CNTNAP2: variants seen among roughly 807,000 people sequenced by gnomAD.
CNTNAP2 encodes contactin-associated protein-like 2.
A neutral mutation model predicts 155.2 loss-of-function variants in CNTNAP2; 98 were observed. The observed-to-expected ratio is 0.63, with a 90% CI of 0.54 to 0.75. The LOEUF (loss-of-function observed/expected upper bound fraction) is 0.75. CNTNAP2 is among the 30% of genes least tolerant of loss of function. CNTNAP2 has a pLI of 0.00. For missense variants in CNTNAP2, 1,727 were observed against 1,688.1 expected (o/e 1.02, Z -0.40); for synonymous variants, 651 against 631.2 (o/e 1.03, Z -0.47).
chr7:146,492,796 T>G (rs1797160063), intron 1 of CNTNAP2, among the ~76,000 whole-genome samples: 1 of 152,216 alleles, frequency 6.6e-6, no homozygotes, highest in Non-Finnish European at 1.5e-5. Context: ...AATTAAAATA[T>G]CCATCATCTT....
chr7:147,574,206 C>T (rs1021392905), intron 12 of CNTNAP2, among the ~76,000 whole-genome samples: 1 of 152,096 alleles, frequency 6.6e-6, no homozygotes, highest in East Asian at 1.9e-4. Context: ...GAATGCAATA[C>T]CTTTTTTGTA....
At chr7:147,671,337 G>C (rs1336294112) in intron 13 of CNTNAP2, among the ~76,000 whole-genome samples, 2 of 152,216 alleles carry the variant, frequency 1.3e-5, no homozygotes, top group Admixed American at 1.3e-4. Context: ...CAATAACAAA[G>C]TGTAGAGGAG....
intron 11 of CNTNAP2, among the ~76,000 whole-genome samples, chr7:147,538,086 A>G (rs1799579478): frequency 6.6e-6 from 1 of 152,212 alleles, no homozygotes; most frequent in Non-Finnish European, 1.5e-5. Flanking sequence ...GAACTCCATG[A>G]AGCTTTTTAA....
chr7:147,785,668 C>T (rs1584954139), intron 13 of CNTNAP2, among the ~76,000 whole-genome samples: 2 of 152,084 alleles, frequency 1.3e-5, no homozygotes, highest in African/African-American at 4.8e-5. Flanking sequence ...ATGGATTAAG[C>T]AGCTGAAGTT....
chr7:147,920,587 T>C (rs1800257578), intron 14 of CNTNAP2, among the ~76,000 whole-genome samples: 1 of 152,106 alleles, frequency 6.6e-6, no homozygotes, highest in Non-Finnish European at 1.5e-5. Flanking sequence ...GCAGGAATTT[T>C]TTAAAACTCA....
At chr7:146,436,912 G>A (rs1796251189) in intron 1 of CNTNAP2, among the ~76,000 whole-genome samples, 1 of 151,514 alleles carries the variant, frequency 6.6e-6, no homozygotes, top group African/African-American at 2.4e-5. Flanking sequence ...GTTAACATTT[G>A]TTGACATTGT....
At chr7:148,166,668 A>C (rs1562981159) in intron 17 of CNTNAP2, among the ~76,000 whole-genome samples, 1 of 152,210 alleles carries the variant, frequency 6.6e-6, no homozygotes, top group East Asian at 1.9e-4. Flanking sequence ...ACAAGAAAAA[A>C]TGATTTACAA....
intron 8 of CNTNAP2, among the ~76,000 whole-genome samples, chr7:147,177,684 T>A (rs142908723): frequency 1.3e-5 from 2 of 152,202 alleles, no homozygotes; most frequent in African/African-American, 4.8e-5. Flanking sequence ...AACCAAAATA[T>A]AGGGGAAACT....
At chr7:147,840,224 T>A (rs2116650263) in intron 13 of CNTNAP2, among the ~76,000 whole-genome samples, 1 of 152,292 alleles carries the variant, frequency 6.6e-6, no homozygotes, top group East Asian at 1.9e-4. Context: ...GTACACTATT[T>A]GGGTGATAGT....
chr7:146,697,191 A>G (rs1337527789), intron 1 of CNTNAP2, among the ~76,000 whole-genome samples: 1 of 152,270 alleles, frequency 6.6e-6, no homozygotes, highest in Middle Eastern at 3.4e-3. Flanking sequence ...AGACACAATA[A>G]GGATTATTCT....
intron 13 of CNTNAP2, among the ~76,000 whole-genome samples, chr7:147,851,168 A>G (rs1207084965): frequency 4.6e-5 from 7 of 152,306 alleles, no homozygotes; most frequent in South Asian, 2.1e-4. Flanking sequence ...GACACATGAA[A>G]AAATGCTCAT....
At chr7:146,779,307 G>A (rs10249117) in intron 2 of CNTNAP2, among the ~76,000 whole-genome samples, 3,925 of 152,126 alleles carry the variant, frequency 0.026, 156 homozygotes, top group African/African-American at 0.088. Context: ...TATTATCCCC[G>A]TTTTACAAAT....
intron 1 of CNTNAP2, among the ~76,000 whole-genome samples, chr7:146,490,713 A>G (rs1002933389): frequency 6.6e-6 from 1 of 152,226 alleles, no homozygotes; most frequent in African/African-American, 2.4e-5. Context: ...AAATAAGTTC[A>G]TATTTTTAGA....
chr7:146,245,833 G>T (rs1427621855), intron 1 of CNTNAP2, among the ~76,000 whole-genome samples: 7 of 151,024 alleles, frequency 4.6e-5, no homozygotes, highest in Admixed American at 3.9e-4. Flanking sequence ...AGGCTGGGAT[G>T]ACGGGTGCAA....
intron 1 of CNTNAP2, among the ~76,000 whole-genome samples, chr7:146,142,819 G>A (rs998610582): frequency 2.0e-5 from 3 of 152,116 alleles, no homozygotes; most frequent in Non-Finnish European, 4.4e-5. Flanking sequence ...GAAGGAAAGT[G>A]TTTACATTTA....
intron 13 of CNTNAP2, among the ~76,000 whole-genome samples, chr7:147,851,815 C>T (rs915440987): frequency 8.6e-5 from 13 of 151,664 alleles, no homozygotes; most frequent in East Asian, 3.9e-4. Context: ...ATGTAAATGA[C>T]GAGTTAATGG....
chr7:147,047,499 A>C (rs948220427), intron 4 of CNTNAP2, among the ~76,000 whole-genome samples: 4 of 151,860 alleles, frequency 2.6e-5, no homozygotes, highest in African/African-American at 9.7e-5. Context: ...TATATCTATC[A>C]TCTATATAGC....
chr7:146,633,807 G>A (rs369048812), intron 1 of CNTNAP2, among the ~76,000 whole-genome samples: 1 of 131,312 alleles, frequency 7.6e-6, no homozygotes, highest in Non-Finnish European at 1.5e-5. Context: ...TCCAGCCTGG[G>A]CAACAGAGCG....
At chr7:146,696,843 T>G (rs1800790432) in intron 1 of CNTNAP2, among the ~76,000 whole-genome samples, 1 of 152,210 alleles carries the variant, frequency 6.6e-6, no homozygotes, top group African/African-American at 2.4e-5. Flanking sequence ...ATTTTTGACT[T>G]TGACTTTAAT....
Sources: allele counts gnomAD v4.1 joint callset (sites outside exome capture counted in the v4.1 genomes callset), GRCh38; gene constraint gnomAD v4.1.1; transcripts MANE v1.5; gene names NCBI Gene and HGNC (gene_info 2026-07-23, HGNC 2026-07-21).